ZDHHC18: variants seen among roughly 807,000 people sequenced by gnomAD.
The protein encoded by ZDHHC18 is zDHHC palmitoyltransferase 18, also known as palmitoyltransferase ZDHHC18.
ZDHHC18 carries 23 observed loss-of-function variants against 37.5 expected under a neutral mutation model. The ratio of observed to expected loss-of-function variants is 0.61; its 90% CI spans 0.44 to 0.87. ZDHHC18 has a LOEUF of 0.87. Ranked by LOEUF, ZDHHC18 falls within the 40% of genes least tolerant of loss-of-function variation. ZDHHC18 has a pLI of 0.00. For missense variants in ZDHHC18, 406 were observed against 525.6 expected (o/e 0.77, Z 2.22); for synonymous variants, 185 against 218.7 (o/e 0.85, Z 1.36).
intron 2 of ZDHHC18, among the ~76,000 whole-genome samples, chr1:26,835,531 T>C (rs2081607438): frequency 2.0e-5 from 3 of 152,054 alleles, no homozygotes. Flanking sequence ...TGAAACCCTG[T>C]CTCTAGTAAA....
At chr1:26,852,550 C>T (rs1557646344) in intron 6 of ZDHHC18, among the ~76,000 whole-genome samples, 1 of 152,238 alleles carries the variant, frequency 6.6e-6, no homozygotes, top group Non-Finnish European at 1.5e-5. Flanking sequence ...TTGGGCTCTG[C>T]TCTGTCATCT....
chr1:26,841,059 C>T (rs2124257228), intron 2 of ZDHHC18, among the ~76,000 whole-genome samples: 1 of 152,178 alleles, frequency 6.6e-6, no homozygotes, highest in African/African-American at 2.4e-5. Context: ...TCACTGCAAC[C>T]TCTGCCTCCC....
chr1:26,849,606 C>T (rs1159282132), intron 3 of ZDHHC18, among the ~76,000 whole-genome samples: 1 of 152,278 alleles, frequency 6.6e-6, no homozygotes, highest in Admixed American at 6.5e-5. Context: ...TTGTGACCCA[C>T]ATTCCCACAA....
Position 26,850,246 on chromosome 1 carries a change from C to T in ZDHHC18, c.647-55C>T, listed in dbSNP as rs1405742599. 2 of 1,592,678 alleles carry T rather than the reference C, an allele frequency of 1.3e-6. No individual in the cohort carries two copies. The highest frequency in any genetic ancestry group is 2.7e-5 in the African/African-American group (2 of 74,310). On this transcript the variant is annotated intron_variant, in intron 3 of 7. Transcript: ENST00000374142. The surrounding 1 kb of genome is among the most constrained non-coding windows in gnomAD (Gnocchi z 6.1). ...AGCCATGGGTGAGGCCGCCAAATGC[C>T]TGTGCTGGCTGCAGGCCAGCCCACA...
At position 26,839,429 on chromosome 1, in the gene ZDHHC18, C is replaced by T. The variant is rs1270285530; in HGVS notation, c.496+6822C>T. Among the ~76,000 whole-genome samples, 4 of 152,134 alleles carry T rather than the reference C, an allele frequency of 2.6e-5. No homozygotes were observed. The East Asian group carries it at 7.7e-4, about 29-fold the overall frequency. Reference sequence around the variant, plus strand: ...CAGGCAGGCACAGGGTGAACAAAACCAATATCTTTGACTCATTTCTATGAA... The same window carrying T: ...CAGGCAGGCACAGGGTGAACAAAACTAATATCTTTGACTCATTTCTATGAA... On this transcript the variant is annotated intron_variant, in intron 2 of 7. Coordinates refer to ENST00000374142, the MANE Select transcript of ZDHHC18 (RefSeq NM_032283.3).
chr1:26,834,060 G>A (rs1268652538), intron 2 of ZDHHC18, among the ~76,000 whole-genome samples: 1 of 152,116 alleles, frequency 6.6e-6, no homozygotes, highest in Non-Finnish European at 1.5e-5. Flanking sequence ...GGATCCCACG[G>A]TCTGACCTGG....
chr1:26,828,460 C>T (rs1337571372), intron 1 of ZDHHC18, among the ~76,000 whole-genome samples: 1 of 151,956 alleles, frequency 6.6e-6, no homozygotes, highest in African/African-American at 2.4e-5. Flanking sequence ...GTCACACATG[C>T]AAGCTTTTAG....
At position 26,854,734 on chromosome 1, in the gene ZDHHC18, G is replaced by A. The variant is rs925648959; in HGVS notation, c.*891G>A. Reference sequence around the variant, plus strand: ...TCTTTTTTAAATGGAAGGAGAAAATGTCAGCCACATTACTGTCTGTGTAGT... The same window carrying A: ...TCTTTTTTAAATGGAAGGAGAAAATATCAGCCACATTACTGTCTGTGTAGT... On this transcript the variant is annotated 3_prime_UTR_variant, in exon 8 of 8. Transcript: ENST00000374142. This position sits in a 1 kb window ranked among gnomAD's most constrained non-coding sequence, Gnocchi z 4.6. 2.0e-5 allele frequency: 3 copies of A among 152,656 alleles called. No individual in the cohort carries two copies. Among genetic ancestry groups the A allele is most frequent in the Admixed American group, 6.5e-5 (1 of 15,282 alleles). The allele number at this position is 152,656 out of a possible 1,614,324, so 9.5% of individuals were successfully genotyped here.
At position 26,841,271 on chromosome 1, in the gene ZDHHC18, G is replaced by A. The variant is rs548279406; in HGVS notation, c.497-7337G>A. ...TGGGATTACAGGTGTAAGCCACCAC[G>A]CCCAGCCCACATCCAGCTAATTTTT... is the stretch of plus-strand genomic sequence containing the variant. On this transcript the variant is annotated intron_variant, in intron 2 of 7. Coordinates refer to ENST00000374142, the MANE Select transcript of ZDHHC18 (RefSeq NM_032283.3). Among the ~76,000 whole-genome samples, 7 of 152,204 alleles carry A rather than the reference G, an allele frequency of 4.6e-5. No individual in the cohort carries two copies. The South Asian group carries it at 1.2e-3, about 27-fold the overall frequency.
chr1:26,838,013 T>A (rs1251898891), intron 2 of ZDHHC18, among the ~76,000 whole-genome samples: 1 of 151,486 alleles, frequency 6.6e-6, no homozygotes, highest in African/African-American at 2.4e-5. Flanking sequence ...TTTTTTTTTT[T>A]AAGACAGGGT....
At chr1:26,853,162 C>T in intron 7 of ZDHHC18, 1 of 305,978 alleles carries the variant, frequency 3.3e-6, no homozygotes, top group South Asian at 4.0e-5. Flanking sequence ...AATGACACTG[C>T]CCTTCCGGTT....
chr1:26,832,720 G>A lies in ZDHHC18; in HGVS notation c.496+113G>A, dbSNP rs556380018. 359 of 1,328,318 alleles carry A rather than the reference G, an allele frequency of 2.7e-4. 1 individual carries two copies. The highest frequency in any genetic ancestry group is 1.6e-3 in the South Asian group (115 of 70,476). The allele number at this position is 1,328,318 out of a possible 1,614,324, so 82.3% of individuals were successfully genotyped here. ...TATACTAGGAACTGGGGATGCAGTCGTGAGCAAGGCAGGCTGGAGCTGACA... is the reference window on the plus strand; with the variant it reads ...TATACTAGGAACTGGGGATGCAGTCATGAGCAAGGCAGGCTGGAGCTGACA... On this transcript the variant is annotated intron_variant, in intron 2 of 7. Transcript: ENST00000374142.
In ZDHHC18 at chr1:26,834,438, T is replaced by A. The variant is rs142718173; in HGVS notation, c.496+1831T>A. On this transcript the variant is annotated intron_variant, in intron 2 of 7. Transcript: ENST00000374142. ...TTTCACTCCCAAACCCCTTGCTTTC[T>A]CTTCTGAGATGGCAGCAGGGACACA... 1.1e-4 allele frequency among the ~76,000 whole-genome samples: 17 copies of A among 152,300 alleles called. No homozygotes were observed. In the East Asian group the frequency reaches 3.3e-3, roughly 29 times the overall value.
chr1:26,839,847 T>C (rs1266962164), intron 2 of ZDHHC18, among the ~76,000 whole-genome samples: 1 of 152,048 alleles, frequency 6.6e-6, no homozygotes, highest in Admixed American at 6.6e-5. Flanking sequence ...TTTGGGGCGG[T>C]GATGGGTCAG....
chr1:26,837,277 T>A (rs1053707676), intron 2 of ZDHHC18, among the ~76,000 whole-genome samples: 44 of 146,750 alleles, frequency 3.0e-4, no homozygotes, highest in African/African-American at 6.2e-4. Flanking sequence ...TATATATATA[T>A]AAAATATACA....
rs549644421 is a variant in ZDHHC18, at chr1:26,851,317, A to G, written c.936+86A>G. On this transcript the variant is annotated intron_variant, in intron 6 of 7. Coordinates refer to ENST00000374142, the MANE Select transcript of ZDHHC18 (RefSeq NM_032283.3). ...GAGGGAGCCTGGGGCAGCCAAGCACAGTCCTGACTCACGGACTGCTGGGAT... is the reference window on the plus strand; with the variant it reads ...GAGGGAGCCTGGGGCAGCCAAGCACGGTCCTGACTCACGGACTGCTGGGAT... 3.9e-6 allele frequency: 5 copies of G among 1,284,800 alleles called. No homozygotes were observed. The African/African-American group carries it at 5.8e-5, about 15-fold the overall frequency. The allele number at this position is 1,284,800 out of a possible 1,614,324, so 79.6% of individuals were successfully genotyped here.
At chr1:26,840,699 C>A (rs2081634659) in intron 2 of ZDHHC18, among the ~76,000 whole-genome samples, 1 of 151,944 alleles carries the variant, frequency 6.6e-6, no homozygotes, top group Non-Finnish European at 1.5e-5. Context: ...GCCTCGGCCT[C>A]CCAAAGTGCA....
chr1:26,827,180 C>T lies in ZDHHC18; in HGVS notation c.335+41C>T. 3 of 1,308,472 alleles carry T rather than the reference C, an allele frequency of 2.3e-6. 1 individual carries two copies. The highest frequency in any genetic ancestry group is 2.9e-6 in the Non-Finnish European group (3 of 1,030,756). The allele number at this position is 1,308,472 out of a possible 1,614,324, so 81.1% of individuals were successfully genotyped here. ...TCGGCGCCCCCTCCCAGCCCCCTGCCGCGCACCCCACCTTCCCAATCCCTG... is the reference window on the plus strand; with the variant it reads ...TCGGCGCCCCCTCCCAGCCCCCTGCTGCGCACCCCACCTTCCCAATCCCTG... On this transcript the variant is annotated intron_variant, in intron 1 of 7. Transcript: ENST00000374142.
chr1:26,834,572 C>A (rs1451758513), intron 2 of ZDHHC18, among the ~76,000 whole-genome samples: 1 of 152,234 alleles, frequency 6.6e-6, no homozygotes. Flanking sequence ...CTCCTTCCTT[C>A]TCTGAACCTG....
Sources: allele counts gnomAD v4.1 joint callset (sites outside exome capture counted in the v4.1 genomes callset), GRCh38; gene constraint gnomAD v4.1.1; non-coding constraint Gnocchi (gnomAD v3.1); transcripts MANE v1.5; gene names NCBI Gene and HGNC (gene_info 2026-07-23, HGNC 2026-07-21).